The following ALK variants were observed in gnomAD, a reference collection of about 807,000 sequenced individuals.
ALK encodes the protein ALK receptor tyrosine kinase, also known as ALK tyrosine kinase receptor.
In ALK, 74 loss-of-function variants were observed where a neutral mutation model predicts 163.1. That is an observed-to-expected ratio of 0.45 (90% CI 0.38 to 0.55). ALK has a LOEUF of 0.55. Among genes scored for constraint, ALK ranks in the 20% least tolerant of loss-of-function variants. ALK has a pLI of 0.00. For synonymous variants in ALK, 960 were observed against 843.2 expected (o/e 1.14, Z -2.40); for missense variants, 2,063 against 2,105.3 (o/e 0.98, Z 0.39).
intron 4 of ALK, among the ~76,000 whole-genome samples, chr2:29,429,190 G>T (rs1022692807): frequency 6.6e-6 from 1 of 151,928 alleles, no homozygotes; most frequent in East Asian, 1.9e-4. Flanking sequence ...TTAAGATCAG[G>T]AATAAGACAA....
intron 4 of ALK, among the ~76,000 whole-genome samples, chr2:29,442,403 T>G (rs1486032039): frequency 6.6e-6 from 1 of 152,104 alleles, no homozygotes; most frequent in African/African-American, 2.4e-5. Flanking sequence ...CTTCACAATA[T>G]CCATAACCAC....
chr2:29,666,006 T>A (rs1159146706), intron 3 of ALK, among the ~76,000 whole-genome samples: 1 of 152,154 alleles, frequency 6.6e-6, no homozygotes, highest in East Asian at 1.9e-4. Flanking sequence ...TCCCTTCTGC[T>A]GTCCTGCCAC....
At chr2:29,760,211 A>T (rs571034602) in intron 1 of ALK, among the ~76,000 whole-genome samples, 2 of 152,046 alleles carry the variant, frequency 1.3e-5, no homozygotes, top group East Asian at 3.9e-4. Flanking sequence ...CTACACACAC[A>T]CACATCCCTA....
chr2:29,874,666 T>C (rs1244553565), intron 1 of ALK, among the ~76,000 whole-genome samples: 1 of 152,172 alleles, frequency 6.6e-6, no homozygotes, highest in Non-Finnish European at 1.5e-5. Context: ...CATAGAAATA[T>C]ACATGGGAAA....
At chr2:29,672,343 C>G (rs1677726109) in intron 3 of ALK, among the ~76,000 whole-genome samples, 1 of 139,558 alleles carries the variant, frequency 7.2e-6, no homozygotes, top group South Asian at 2.3e-4. Context: ...CACCCCACAA[C>G]AGTCCCCAGA....
intron 3 of ALK, among the ~76,000 whole-genome samples, chr2:29,546,802 A>AT (rs11461661): frequency 0.12 from 18,710 of 152,144 alleles, 1,512 homozygotes; most frequent in Non-Finnish European, 0.19. Context: ...TTAAAAAGCA[A>AT]TTTTTTGCCC....
chr2:29,610,876 T>C (rs986972244), intron 3 of ALK, among the ~76,000 whole-genome samples: 16 of 152,170 alleles, frequency 1.1e-4, no homozygotes, highest in African/African-American at 3.9e-4. Context: ...ACATTTCACT[T>C]ATGCTGAAAT....
At chr2:29,676,647 C>G (rs563126761) in intron 3 of ALK, among the ~76,000 whole-genome samples, 4 of 151,954 alleles carry the variant, frequency 2.6e-5, no homozygotes, top group Admixed American at 2.6e-4. Flanking sequence ...CAGGTCTTTT[C>G]CATATAAATT....
In ALK at chr2:29,921,562, C is replaced by A. The variant is rs986686613; in HGVS notation, c.-903G>T. ...GTACCAGCTGCTACCACCGCTGCCG[C>A]CCCCAGAGCCGCTGGATCGCATCTG... On this transcript the variant is annotated 5_prime_UTR_variant, in exon 1 of 29. Transcript: ENST00000389048. 13 of 230,918 alleles carry A rather than the reference C, an allele frequency of 5.6e-5. No individual in the cohort carries two copies. The highest frequency in any genetic ancestry group is 2.7e-4 in the African/African-American group (12 of 45,198). The allele number at this position is 230,918 out of a possible 1,614,324, so 14.3% of individuals were successfully genotyped here. A position where few individuals can be genotyped will look rare whatever the true frequency, so the allele number is the denominator to read the frequency against.
At chr2:29,403,963 C>A (rs989218554) in intron 4 of ALK, among the ~76,000 whole-genome samples, 4 of 151,924 alleles carry the variant, frequency 2.6e-5, no homozygotes, top group Non-Finnish European at 5.9e-5. Flanking sequence ...CTTAAAAATA[C>A]AGCACTGACA....
chr2:29,731,460 TGGAC>T (rs1274512694), intron 1 of ALK, among the ~76,000 whole-genome samples: 1 of 152,180 alleles, frequency 6.6e-6, no homozygotes, highest in Non-Finnish European at 1.5e-5. Flanking sequence ...TTCAAGATAA[TGGAC>T]TCTTTTTCTG....
chr2:29,579,712 T>C (rs1187874255), intron 3 of ALK, among the ~76,000 whole-genome samples: 2 of 152,122 alleles, frequency 1.3e-5, no homozygotes, highest in East Asian at 3.9e-4. Flanking sequence ...TTGAGAGCTG[T>C]TTCATTTGCT....
chr2:29,672,391 T>C (rs1677728471), intron 3 of ALK, among the ~76,000 whole-genome samples: 1 of 150,580 alleles, frequency 6.6e-6, no homozygotes, highest in South Asian at 2.1e-4. Context: ...GTGATCTCAT[T>C]GTTCAATTCC....
At chr2:29,600,702 T>A (rs1573490233) in intron 3 of ALK, among the ~76,000 whole-genome samples, 1 of 152,086 alleles carries the variant, frequency 6.6e-6, no homozygotes, top group South Asian at 2.1e-4. Flanking sequence ...TCAGGCCAGA[T>A]TGAACTTTGT....
At chr2:29,861,697 AG>A (rs1234414252) in intron 1 of ALK, among the ~76,000 whole-genome samples, 1 of 152,230 alleles carries the variant, frequency 6.6e-6, no homozygotes, top group African/African-American at 2.4e-5. Flanking sequence ...AATTCTACCA[AG>A]CATTTAAAGA....
rs148345242 is a variant in ALK at position 29,545,152 on chromosome 2, C to A, written c.953-13036G>T. On this transcript the variant is annotated intron_variant, in intron 3 of 28. Transcript: ENST00000389048. ...AGCAGCTGGTCTCAAGCTCTTCTTT[C>A]TGACTGTCCCCAGAGGTCACAGACT... Among the ~76,000 whole-genome samples, 1,349 of 152,326 alleles carry A rather than the reference C, an allele frequency of 8.9e-3. 10 individuals are homozygous for A. Among genetic ancestry groups the A allele is most frequent in the Admixed American group, 0.018 (279 of 15,308 alleles).
At chr2:29,360,417 C>T (rs1668359503) in intron 5 of ALK, among the ~76,000 whole-genome samples, 1 of 152,200 alleles carries the variant, frequency 6.6e-6, no homozygotes, top group Admixed American at 6.5e-5. Flanking sequence ...CTCTGTGTAG[C>T]CTTCTGACCT....
At chr2:29,214,110 C>A (rs376055205) in intron 23 of ALK, 29 bp from the exon 24 acceptor site, 1 of 1,593,656 alleles carries the variant, frequency 6.3e-7, no homozygotes, top group African/African-American at 1.3e-5. Context: ...GGGCCACTGA[C>A]GAGGAGCTTG....
intron 3 of ALK, among the ~76,000 whole-genome samples, chr2:29,617,645 G>T (rs1220552807): frequency 6.6e-6 from 1 of 152,146 alleles, no homozygotes; most frequent in East Asian, 1.9e-4. Flanking sequence ...AGTTTAGCAA[G>T]AAACCCCCCT....
Sources: gnomAD v4.1 joint callset for allele counts (sites outside exome capture counted in the v4.1 genomes callset) on GRCh38, gnomAD v4.1.1 for gene constraint, MANE v1.5 for transcripts, NCBI Gene and HGNC (gene_info 2026-07-23, HGNC 2026-07-21) for gene names.